The following MANBAL variants were observed in gnomAD, a reference collection of about 807,000 sequenced individuals.
The protein encoded by MANBAL is protein MANBAL.
Under a neutral mutation model 6.4 loss-of-function variants are expected in MANBAL, and 1 was observed. The ratio of observed to expected loss-of-function variants is 0.16; its 90% confidence interval spans 0.06 to 0.74. The LOEUF (loss-of-function observed/expected upper bound fraction) is 0.74. Ranked by LOEUF, MANBAL falls within the 30% of genes least tolerant of loss-of-function variation. The pLI is 0.78. For synonymous variants in MANBAL, 47 were observed against 45.8 expected, an observed-to-expected ratio of 1.03 and a Z score of -0.10; for missense variants, 100 against 107.8, an observed-to-expected ratio of 0.93 and a Z score of 0.32.
chr20:37,292,246 T>G (rs1232444441), intron 1 of MANBAL, among the ~76,000 whole-genome samples: 1 of 152,168 alleles, frequency 6.6e-6, no homozygotes, highest in Non-Finnish European at 1.5e-5. Context: ...GTGGGAAATT[T>G]GTCTGTTCCC....
intron 1 of MANBAL, among the ~76,000 whole-genome samples, chr20:37,294,519 A>G (rs575497770): frequency 6.6e-6 from 1 of 152,340 alleles, no homozygotes; most frequent in African/African-American, 2.4e-5. Context: ...GAGTCCTCAT[A>G]ATGGCCTGCA....
intron 1 of MANBAL, among the ~76,000 whole-genome samples, chr20:37,292,105 A>C (rs1235775466): frequency 6.6e-6 from 1 of 152,124 alleles, no homozygotes; most frequent in Non-Finnish European, 1.5e-5. Context: ...GTGTAGAGTT[A>C]CTTTTCCTCC....
intron 2 of MANBAL, among the ~76,000 whole-genome samples, chr20:37,305,301 A>G (rs2069232202): frequency 6.6e-6 from 1 of 152,150 alleles, no homozygotes; most frequent in Admixed American, 6.5e-5. Flanking sequence ...TTCTTGTTTT[A>G]TAGGCAGAGG....
rs1054924864 is a variant in MANBAL, at chr20:37,310,234, C to T, written c.151-6074C>T. Among the ~76,000 whole-genome samples, 3 of 152,256 alleles carry T rather than the reference C, an allele frequency of 2.0e-5. No homozygotes were observed. The East Asian group carries it at 5.8e-4, about 29-fold the overall frequency. Reference sequence around the variant, plus strand: ...GAGTCCACATGGATGGCCTTCCTTGCTCTCTGTTTCAGCCAGTCCTATCTT... The same window carrying T: ...GAGTCCACATGGATGGCCTTCCTTGTTCTCTGTTTCAGCCAGTCCTATCTT... On this transcript the variant is annotated intron_variant, in intron 2 of 2. Coordinates refer to ENST00000373606, the MANE Select transcript of MANBAL (RefSeq NM_001003897.2).
intron 1 of MANBAL, among the ~76,000 whole-genome samples, chr20:37,293,514 TTGCTCACCTGC>T (rs1270367855): frequency 6.6e-6 from 1 of 152,148 alleles, no homozygotes; most frequent in East Asian, 1.9e-4. Flanking sequence ...GAAACTTCGC[TTGCTCACCTGC>T]TGCTCACCTC....
At chr20:37,300,445 T>G (rs539256299) in intron 1 of MANBAL, among the ~76,000 whole-genome samples, 1 of 152,346 alleles carries the variant, frequency 6.6e-6, no homozygotes, top group South Asian at 2.1e-4. Context: ...CCAAAATGCT[T>G]ATCACTACCT....
intron 2 of MANBAL, among the ~76,000 whole-genome samples, chr20:37,306,495 G>C (rs969856752): frequency 1.3e-5 from 2 of 152,078 alleles, no homozygotes; most frequent in Non-Finnish European, 2.9e-5. Context: ...CAAAAACCAA[G>C]TCCCTAGAAT....
intron 2 of MANBAL, among the ~76,000 whole-genome samples, chr20:37,312,364 T>A (rs914966506): frequency 1.1e-4 from 16 of 151,858 alleles, no homozygotes; most frequent in African/African-American, 3.9e-4. Flanking sequence ...AAGTAGAGAG[T>A]AGATTTCATA....
chr20:37,293,436 C>T (rs969222199), intron 1 of MANBAL, among the ~76,000 whole-genome samples: 1 of 152,124 alleles, frequency 6.6e-6, no homozygotes, highest in Non-Finnish European at 1.5e-5. Context: ...CTAATGCAGC[C>T]GCTGATCTGA....
intron 2 of MANBAL, among the ~76,000 whole-genome samples, chr20:37,315,946 C>G (rs1029288715): frequency 2.6e-5 from 4 of 152,254 alleles, no homozygotes; most frequent in African/African-American, 9.6e-5. Flanking sequence ...TTTGCCTCCT[C>G]ACATCAGCCC....
chr20:37,303,633 A>G (rs550483893), intron 2 of MANBAL, among the ~76,000 whole-genome samples: 1 of 152,358 alleles, frequency 6.6e-6, no homozygotes, highest in African/African-American at 2.4e-5. Context: ...TGGCAGTGAA[A>G]GGATACCAGG....
intron 2 of MANBAL, among the ~76,000 whole-genome samples, chr20:37,306,917 C>T (rs2069272507): frequency 6.6e-6 from 1 of 152,208 alleles, no homozygotes; most frequent in Admixed American, 6.5e-5. Flanking sequence ...AGACCACACC[C>T]AGAGATTCTG....
At chr20:37,300,343 T>C (rs928033137) in intron 1 of MANBAL, among the ~76,000 whole-genome samples, 16 of 152,182 alleles carry the variant, frequency 1.1e-4, no homozygotes, top group African/African-American at 3.9e-4. Flanking sequence ...TGGCTCCCTC[T>C]CTCACTTCTT....
chr20:37,306,339 C>CT (rs902379329), intron 2 of MANBAL, among the ~76,000 whole-genome samples: 3 of 152,140 alleles, frequency 2.0e-5, no homozygotes, highest in African/African-American at 7.2e-5. Context: ...TTGCAACTTG[C>CT]TTATGACTTC....
At chr20:37,297,904 C>T (rs1214441174) in intron 1 of MANBAL, among the ~76,000 whole-genome samples, 2 of 152,196 alleles carry the variant, frequency 1.3e-5, no homozygotes, top group Non-Finnish European at 2.9e-5. Flanking sequence ...CTCAGCCTCC[C>T]AAAGTGCTGG....
intron 2 of MANBAL, among the ~76,000 whole-genome samples, chr20:37,301,836 A>G (rs1234574090): frequency 1.3e-5 from 2 of 152,226 alleles, no homozygotes; most frequent in Non-Finnish European, 2.9e-5. Flanking sequence ...GACTGAAGGA[A>G]TGAGCAGGCT....
At chr20:37,307,052 C>G (rs2069274854) in intron 2 of MANBAL, among the ~76,000 whole-genome samples, 1 of 152,218 alleles carries the variant, frequency 6.6e-6, no homozygotes, top group Admixed American at 6.5e-5. Context: ...CAGTCTCGAC[C>G]TGGACTCAAG....
At chr20:37,302,291 A>G (rs2069157846) in intron 2 of MANBAL, 1 of 1,550,594 alleles carries the variant, frequency 6.4e-7, no homozygotes. Context: ...AGTTCCATGT[A>G]GAGGCCTGAT....
chr20:37,291,001 C>G (rs932097151), intron 1 of MANBAL, among the ~76,000 whole-genome samples: 1 of 152,176 alleles, frequency 6.6e-6, no homozygotes, highest in African/African-American at 2.4e-5. Flanking sequence ...CATTAGAAGC[C>G]AAGAATGGCC....
Sources: gnomAD v4.1 joint callset for allele counts (sites outside exome capture counted in the v4.1 genomes callset) on GRCh38, gnomAD v4.1.1 for gene constraint, MANE v1.5 for transcripts, NCBI Gene and HGNC (gene_info 2026-07-23, HGNC 2026-07-21) for gene names.